RBFOX1: variants seen among roughly 807,000 people sequenced by gnomAD.
RBFOX1 encodes the protein RNA binding fox-1 homolog 1, also known as RNA binding protein fox-1 homolog 1.
RBFOX1 carries 8 observed loss-of-function variants against 57.7 expected under a neutral mutation model. The ratio of observed to expected loss-of-function variants is 0.14; its 90% CI spans 0.08 to 0.25. The LOEUF (loss-of-function observed/expected upper bound fraction) is 0.25. Among genes scored for constraint, RBFOX1 ranks in the 10% least tolerant of loss-of-function variants. RBFOX1 has a pLI of 1.00. For synonymous variants in RBFOX1, 326 were observed against 222.4 expected (o/e 1.47, Z -4.15); for missense variants, 611 against 548.5 (o/e 1.11, Z -1.14).
intron 3 of RBFOX1, among the ~76,000 whole-genome samples, chr16:6,658,936 G>GT (rs764621530): frequency 0.021 from 2,301 of 108,562 alleles, 27 homozygotes; most frequent in Non-Finnish European, 0.027. Flanking sequence ...TGGTTTTTTT[G>GT]TTTTTTTTGT....
chr16:7,656,122 C>A (rs1228584793), intron 12 of RBFOX1, among the ~76,000 whole-genome samples: 1 of 152,110 alleles, frequency 6.6e-6, no homozygotes, highest in South Asian at 2.1e-4. Flanking sequence ...CATTCTAAAG[C>A]CATACTTGGA....
chr16:7,413,588 C>CCCCCCTG (rs1306408866), intron 4 of RBFOX1, among the ~76,000 whole-genome samples: 1 of 151,794 alleles, frequency 6.6e-6, no homozygotes, highest in East Asian at 1.9e-4. Context: ...TTTGCTGCCA[C>CCCCCCTG]CCCCCTGCCC....
intron 4 of RBFOX1, among the ~76,000 whole-genome samples, chr16:5,977,969 C>T (rs1038293888): frequency 6.6e-6 from 1 of 151,740 alleles, no homozygotes; most frequent in African/African-American, 2.4e-5. Context: ...GGCTTCAATT[C>T]CCACTTTGTG....
chr16:7,095,297 C>T (rs760536419), intron 4 of RBFOX1, among the ~76,000 whole-genome samples: 2 of 152,166 alleles, frequency 1.3e-5, no homozygotes, highest in African/African-American at 4.8e-5. Flanking sequence ...ACCACTGTGC[C>T]TGGTTCATTT....
At chr16:6,164,235 T>C (rs753970593) in intron 1 of RBFOX1, among the ~76,000 whole-genome samples, 27 of 152,336 alleles carry the variant, frequency 1.8e-4, no homozygotes, top group Middle Eastern at 3.4e-3. Flanking sequence ...ATATTTGTAC[T>C]TCTGTATCTT....
At position 5,777,609 on chromosome 16, in the gene RBFOX1, T is replaced by A. The variant is rs536009349; in HGVS notation, c.319-89694T>A. On this transcript the variant is annotated intron_variant, in intron 3 of 19. Coordinates refer to the RBFOX1 transcript ENST00000641259. ...CTTCGAGCAGGTCACTCAACCTTCCTGAGTCTGAGTTAACTTATATTTAAA... is the reference window on the plus strand; with the variant it reads ...CTTCGAGCAGGTCACTCAACCTTCCAGAGTCTGAGTTAACTTATATTTAAA... Among the ~76,000 whole-genome samples, 40 of 152,336 alleles carry A rather than the reference T, an allele frequency of 2.6e-4. 1 individual carries two copies. In the South Asian group the frequency reaches 7.9e-3, roughly 30 times the overall value.
intron 1 of RBFOX1, among the ~76,000 whole-genome samples, chr16:5,269,292 C>G (rs1470953564): frequency 1.3e-5 from 2 of 152,228 alleles, no homozygotes; most frequent in African/African-American, 4.8e-5. Flanking sequence ...ATTTCTGTTT[C>G]CCTGATGATG....
intron 1 of RBFOX1, among the ~76,000 whole-genome samples, chr16:5,253,597 C>G (rs2062510532): frequency 6.6e-6 from 1 of 152,196 alleles, no homozygotes; most frequent in Non-Finnish European, 1.5e-5. Context: ...GAGTCCGTGG[C>G]AGCCTCACGT....
intron 3 of RBFOX1, among the ~76,000 whole-genome samples, chr16:5,782,414 T>C (rs928092464): frequency 1.3e-5 from 2 of 152,154 alleles, no homozygotes; most frequent in Non-Finnish European, 2.9e-5. Flanking sequence ...ATAATGACAT[T>C]AATGCATTTG....
chr16:6,603,919 G>A (rs537333812), intron 2 of RBFOX1, among the ~76,000 whole-genome samples: 1 of 151,446 alleles, frequency 6.6e-6, no homozygotes, highest in Non-Finnish European at 1.5e-5. Flanking sequence ...CAGCTCTGGG[G>A]CGAGGGGGCT....
At position 5,759,703 on chromosome 16, in the gene RBFOX1, C is replaced by T. The variant is rs186359626; in HGVS notation, c.319-107600C>T. Among the ~76,000 whole-genome samples the T allele has an allele frequency of 7.6e-4, 116 of 152,280 alleles. 1 individual carries two copies. Among genetic ancestry groups the T allele is most frequent in the African/African-American group, 2.6e-3 (106 of 41,558 alleles). On this transcript the variant is annotated intron_variant, in intron 3 of 19. Coordinates refer to the RBFOX1 transcript ENST00000641259. ...CTTGCAGTGTTTCCCACAAGCCTCT[C>T]GGTCTTTCTCTAAAAAGATGGCAGT...
rs1303973736 is a variant in RBFOX1 at position 6,450,765 on chromosome 16, G to GTATATATATATATACATATATATA, written c.-64+133709_-64+133710insATATATATATATACATATATATAT. On this transcript the variant is annotated intron_variant, in intron 2 of 15. Transcript: ENST00000550418. ...TTTATATATATATACATATATATAT[G>GTATATATATATATACATATATATA]TGTATATATATATATATATATATAC... is the stretch of plus-strand genomic sequence containing the variant. Among the ~76,000 whole-genome samples, 193 of 19,444 alleles carry GTATATATATATATACATATATATA rather than the reference G, an allele frequency of 9.9e-3. 20 individuals are homozygous for GTATATATATATATACATATATATA. Among genetic ancestry groups the GTATATATATATATACATATATATA allele is most frequent in the African/African-American group, 0.023 (115 of 4,896 alleles). The allele number at this position is 19,444 out of a possible 152,430, so 12.8% of individuals were successfully genotyped here.
rs1407710656 is a variant in RBFOX1 at position 7,049,691 on chromosome 16, C to G, written c.-15-2366C>G. On this transcript the variant is annotated intron_variant, in intron 3 of 15. Coordinates refer to ENST00000550418, the MANE Select transcript of RBFOX1 (RefSeq NM_018723.4). ...TTTAAATTTTGGTCGTTTTGTTCCC[C>G]CCTCCACTTGCTGCTTTTTAATTTT... Among the ~76,000 whole-genome samples the G allele has an allele frequency of 4.6e-5, 7 of 151,908 alleles. No homozygotes were observed. In the East Asian group the frequency reaches 1.2e-3, roughly 25 times the overall value.
intron 3 of RBFOX1, among the ~76,000 whole-genome samples, chr16:6,816,191 A>G (rs1253321497): frequency 1.3e-5 from 2 of 152,026 alleles, no homozygotes; most frequent in African/African-American, 4.8e-5. Context: ...CTCACTTGTA[A>G]TCCCAGCTCC....
At chr16:6,841,554 C>T (rs1032638016) in intron 3 of RBFOX1, among the ~76,000 whole-genome samples, 16 of 152,144 alleles carry the variant, frequency 1.1e-4, no homozygotes, top group African/African-American at 3.4e-4. Flanking sequence ...GCGAGTATTA[C>T]CACAGGCCCT....
At chr16:7,467,107 T>C (rs2060663675) in intron 4 of RBFOX1, among the ~76,000 whole-genome samples, 1 of 152,184 alleles carries the variant, frequency 6.6e-6, no homozygotes, top group South Asian at 2.1e-4. Context: ...ATATGAAGGA[T>C]AAGTAACACA....
chr16:6,691,676 G>A (rs1182844874), intron 3 of RBFOX1, among the ~76,000 whole-genome samples: 1 of 152,140 alleles, frequency 6.6e-6, no homozygotes, highest in Non-Finnish European at 1.5e-5. Flanking sequence ...TAGGATAATG[G>A]TCCTCCAAAC....
At chr16:5,441,026 T>C (rs561695859) in intron 1 of RBFOX1, among the ~76,000 whole-genome samples, 1 of 152,238 alleles carries the variant, frequency 6.6e-6, no homozygotes, top group African/African-American at 2.4e-5. Flanking sequence ...CAAGAACAAA[T>C]TGATCGTGAA....
At chr16:7,220,991 C>T (rs954234667) in intron 4 of RBFOX1, among the ~76,000 whole-genome samples, 8 of 152,142 alleles carry the variant, frequency 5.3e-5, no homozygotes, top group Admixed American at 2.6e-4. Flanking sequence ...GACAAGTCAT[C>T]GGTTTCCAAC....
Sources: gnomAD v4.1 joint callset for allele counts (sites outside exome capture counted in the v4.1 genomes callset) on GRCh38, gnomAD v4.1.1 for gene constraint, MANE v1.5 for transcripts, NCBI Gene and HGNC (gene_info 2026-07-23, HGNC 2026-07-21) for gene names.